The following ULK4 variants were observed in gnomAD, a reference collection of about 807,000 sequenced individuals.
ULK4 encodes the protein inactive serine/threonine-protein kinase ULK4.
In ULK4, 133 loss-of-function variants were observed where a neutral mutation model predicts 160.6. The observed-to-expected ratio is 0.83, with a 90% CI of 0.72 to 0.96. The LOEUF (loss-of-function observed/expected upper bound fraction) is 0.96. Among genes scored for constraint, ULK4 ranks in the 40% least tolerant of loss-of-function variants. The pLI is 0.00. For missense variants in ULK4, 1,580 were observed against 1,499.5 expected (o/e 1.05, Z -0.89); for synonymous variants, 534 against 539.8 (o/e 0.99, Z 0.15).
intron 19 of ULK4, among the ~76,000 whole-genome samples, chr3:41,816,962 A>G (rs1012547836): frequency 5.3e-5 from 8 of 152,164 alleles, no homozygotes; most frequent in African/African-American, 1.9e-4. Context: ...GTAGACCAAC[A>G]GAACCAAATA....
intron 5 of ULK4, among the ~76,000 whole-genome samples, chr3:41,920,769 T>G (rs1442683276): frequency 6.6e-6 from 1 of 152,118 alleles, no homozygotes; most frequent in Admixed American, 6.5e-5. Flanking sequence ...GATCAGCAGC[T>G]TTGTGTGCCC....
intron 30 of ULK4, among the ~76,000 whole-genome samples, chr3:41,645,403 C>T (rs940081620): frequency 9.2e-5 from 14 of 151,846 alleles, no homozygotes; most frequent in African/African-American, 1.5e-4. Flanking sequence ...TCTTTGTTCT[C>T]GTTGGTTTCA....
chr3:41,398,961 TCTAG>T (rs1188584393), intron 34 of ULK4, among the ~76,000 whole-genome samples: 4 of 152,080 alleles, frequency 2.6e-5, no homozygotes, highest in African/African-American at 9.7e-5. Flanking sequence ...AATCCTCTCT[TCTAG>T]CTATTTTGAA....
chr3:41,828,683 G>A (rs376109035), intron 18 of ULK4, among the ~76,000 whole-genome samples: 1 of 151,310 alleles, frequency 6.6e-6, no homozygotes, highest in Non-Finnish European at 1.5e-5. Context: ...ATGCTCATGG[G>A]TAGGAAGAAT....
chr3:41,676,725 G>A (rs982776614), intron 29 of ULK4, among the ~76,000 whole-genome samples: 2 of 151,990 alleles, frequency 1.3e-5, no homozygotes, highest in Non-Finnish European at 1.5e-5. Context: ...GATACATTTA[G>A]TATCAGGTAA....
chr3:41,702,397 G>A lies in ULK4; in HGVS notation c.2781+2660C>T, dbSNP rs535951054. 7.9e-5 allele frequency among the ~76,000 whole-genome samples: 12 copies of A among 152,018 alleles called. No homozygotes were observed. In the South Asian group the frequency reaches 1.0e-3, roughly 13 times the overall value. On this transcript the variant is annotated intron_variant, in intron 27 of 36. Coordinates refer to ENST00000301831, the MANE Select transcript of ULK4 (RefSeq NM_017886.4). Reference sequence around the variant, plus strand: ...CAACCTCATGTGATCTGTCTGCCTCGGCCTCCCAAAGTGCTGGGATTACAG... The same window carrying A: ...CAACCTCATGTGATCTGTCTGCCTCAGCCTCCCAAAGTGCTGGGATTACAG...
At chr3:41,517,373 T>C (rs1559667573) in intron 32 of ULK4, among the ~76,000 whole-genome samples, 1 of 152,130 alleles carries the variant, frequency 6.6e-6, no homozygotes, top group Admixed American at 6.6e-5. Context: ...TCTGCCCTCA[T>C]GAATAGGATT....
At chr3:41,416,447 C>T (rs1476971155) in intron 34 of ULK4, among the ~76,000 whole-genome samples, 5 of 152,140 alleles carry the variant, frequency 3.3e-5, no homozygotes, top group East Asian at 1.9e-4. Context: ...CCTAGAATGA[C>T]GCCGTCATGT....
chr3:41,317,232 C>T (rs550416987), intron 35 of ULK4, among the ~76,000 whole-genome samples: 121 of 151,718 alleles, frequency 8.0e-4, no homozygotes, highest in Admixed American at 3.9e-3. Flanking sequence ...CCCGCCACGG[C>T]GCCCGGCTAA....
intron 35 of ULK4, among the ~76,000 whole-genome samples, chr3:41,354,835 A>G (rs1252254602): frequency 1.3e-5 from 2 of 152,242 alleles, no homozygotes; most frequent in Non-Finnish European, 1.5e-5. Flanking sequence ...ACTTCTGTGC[A>G]GTCTTCTCCA....
At position 41,454,724 on chromosome 3, in the gene ULK4, G is replaced by A. The variant is rs142754159; in HGVS notation, c.3492+773C>T. On this transcript the variant is annotated intron_variant, in intron 34 of 36. Coordinates refer to ENST00000301831, the MANE Select transcript of ULK4 (RefSeq NM_017886.4). ...TTTTAATTTTTTGAGATGGAGTCTC[G>A]CTTTTTCACCCAGGCTGGAGTGAAG... 4.7e-3 allele frequency among the ~76,000 whole-genome samples: 717 copies of A among 151,868 alleles called. 8 individuals are homozygous for A. The highest frequency in any genetic ancestry group is 0.012 in the African/African-American group (511 of 41,450).
chr3:41,838,259 G>C (rs1460820359), intron 17 of ULK4, among the ~76,000 whole-genome samples: 1 of 152,154 alleles, frequency 6.6e-6, no homozygotes, highest in Non-Finnish European at 1.5e-5. Context: ...CTGCTATTAA[G>C]TTTTCTAAAT....
chr3:41,292,823 A>G (rs1222732803), intron 35 of ULK4, among the ~76,000 whole-genome samples: 1 of 152,170 alleles, frequency 6.6e-6, no homozygotes, highest in Non-Finnish European at 1.5e-5. Flanking sequence ...GCATGTCTGT[A>G]ATCCCAGCTA....
At chr3:41,820,205 G>A (rs1028484780) in intron 18 of ULK4, among the ~76,000 whole-genome samples, 5 of 152,110 alleles carry the variant, frequency 3.3e-5, no homozygotes, top group African/African-American at 1.2e-4. Context: ...CCAAATGACA[G>A]AATTAGTACA....
intron 29 of ULK4, among the ~76,000 whole-genome samples, chr3:41,670,446 A>G (rs1054991802): frequency 6.6e-6 from 1 of 152,102 alleles, no homozygotes; most frequent in Non-Finnish European, 1.5e-5. Context: ...GCTCTGTGTG[A>G]TTCTCTGGTG....
At chr3:41,390,801 T>C (rs2081940411) in intron 35 of ULK4, among the ~76,000 whole-genome samples, 2 of 152,186 alleles carry the variant, frequency 1.3e-5, no homozygotes, top group South Asian at 4.1e-4. Flanking sequence ...GTGGTCTATT[T>C]TGGAATAGGT....
intron 30 of ULK4, among the ~76,000 whole-genome samples, chr3:41,618,028 T>C (rs952946921): frequency 1.3e-5 from 2 of 151,984 alleles, no homozygotes; most frequent in Non-Finnish European, 2.9e-5. Flanking sequence ...ATATCAGAGA[T>C]GGAAGATCAA....
At chr3:41,251,837 T>A (rs1042639489) in intron 35 of ULK4, among the ~76,000 whole-genome samples, 2 of 152,130 alleles carry the variant, frequency 1.3e-5, no homozygotes, top group African/African-American at 4.8e-5. Context: ...AGATAAAAAA[T>A]GGGAAACCCA....
chr3:41,570,439 C>T (rs552734439), intron 31 of ULK4, among the ~76,000 whole-genome samples: 5 of 152,274 alleles, frequency 3.3e-5, no homozygotes, highest in Admixed American at 1.3e-4. Flanking sequence ...GATGACACTA[C>T]ATGTTACTCG....
Sources: gnomAD v4.1 joint callset for allele counts (sites outside exome capture counted in the v4.1 genomes callset) on GRCh38, gnomAD v4.1.1 for gene constraint, MANE v1.5 for transcripts, NCBI Gene and HGNC (gene_info 2026-07-23, HGNC 2026-07-21) for gene names.